Variants in CSMD1 observed in about 807,000 individuals in gnomAD.
The protein encoded by CSMD1 is CUB and Sushi multiple domains 1, also known as CUB and sushi domain-containing protein 1.
Under a neutral mutation model 417.5 loss-of-function variants are expected in CSMD1, and 213 were observed. That is an observed-to-expected ratio of 0.51 (90% CI 0.46 to 0.57). The LOEUF (loss-of-function observed/expected upper bound fraction) is 0.57. Ranked by LOEUF, CSMD1 falls within the 20% of genes least tolerant of loss-of-function variation. CSMD1 has a pLI of 0.00. For missense variants in CSMD1, 6,923 were observed against 4,529.7 expected, an observed-to-expected ratio of 1.53 and a Z score of -15.17; for synonymous variants, 2,862 against 1,736.8, an observed-to-expected ratio of 1.65 and a Z score of -16.11.
chr8:4,047,536 C>G (rs1798210463), intron 3 of CSMD1, among the ~76,000 whole-genome samples: 1 of 151,788 alleles, frequency 6.6e-6, no homozygotes, highest in South Asian at 2.1e-4. Flanking sequence ...TTCATTCATT[C>G]ATTCATTCCA....
chr8:4,159,745 C>T (rs1397447497), intron 3 of CSMD1, among the ~76,000 whole-genome samples: 4 of 152,156 alleles, frequency 2.6e-5, no homozygotes, highest in South Asian at 4.1e-4. Flanking sequence ...CCCGCCACCA[C>T]GCCCGGCTAA....
chr8:4,113,382 T>C (rs375681644), intron 3 of CSMD1, among the ~76,000 whole-genome samples: 1 of 102,462 alleles, frequency 9.8e-6, no homozygotes, highest in Non-Finnish European at 2.0e-5. Context: ...TCAAGGAAAA[T>C]AAAAGGGCTT....
chr8:3,688,208 C>T (rs901175261), intron 7 of CSMD1, among the ~76,000 whole-genome samples: 2 of 152,204 alleles, frequency 1.3e-5, no homozygotes, highest in Non-Finnish European at 2.9e-5. Flanking sequence ...ATACTTGTTG[C>T]ATGCGTAAGT....
intron 25 of CSMD1, 44 bp downstream of exon 25, chr8:3,307,651 A>T: frequency 1.3e-6 from 2 of 1,586,050 alleles, no homozygotes; most frequent in Non-Finnish European, 8.6e-7. Context: ...AATAGAAGGC[A>T]TATCTCTTTT....
chr8:4,199,709 G>A (rs893930705), intron 3 of CSMD1, among the ~76,000 whole-genome samples: 1 of 152,094 alleles, frequency 6.6e-6, no homozygotes, highest in Non-Finnish European at 1.5e-5. Flanking sequence ...TTAATCCAGT[G>A]CCATTTCTCA....
At chr8:3,919,470 T>G (rs62480123) in intron 5 of CSMD1, among the ~76,000 whole-genome samples, 14,568 of 152,092 alleles carry the variant, frequency 0.096, 788 homozygotes, top group South Asian at 0.16. Context: ...TTTCTGGCTT[T>G]CTATTCTGTA....
intron 4 of CSMD1, among the ~76,000 whole-genome samples, chr8:4,011,511 T>C (rs1816532745): frequency 2.0e-5 from 3 of 152,172 alleles, no homozygotes. Flanking sequence ...AGTCAGAGTT[T>C]CACCCTCCTG....
intron 12 of CSMD1, among the ~76,000 whole-genome samples, chr8:3,445,348 G>T (rs777998886): frequency 1.1e-4 from 17 of 152,226 alleles, no homozygotes; most frequent in African/African-American, 1.9e-4. Flanking sequence ...GCAGATTGAC[G>T]TGTATACATA....
intron 3 of CSMD1, among the ~76,000 whole-genome samples, chr8:4,382,230 A>G (rs919717280): frequency 6.6e-5 from 10 of 152,200 alleles, no homozygotes; most frequent in African/African-American, 2.4e-4. Context: ...ATTTCATTAA[A>G]CAACCATTAC....
intron 2 of CSMD1, among the ~76,000 whole-genome samples, chr8:4,487,336 C>A (rs1211834158): frequency 1.3e-5 from 2 of 152,140 alleles, no homozygotes; most frequent in African/African-American, 4.8e-5. Flanking sequence ...CCACAACAGT[C>A]CCCAGAGTGT....
At chr8:4,724,833 T>G (rs1180246374) in intron 1 of CSMD1, among the ~76,000 whole-genome samples, 1 of 152,138 alleles carries the variant, frequency 6.6e-6, no homozygotes, top group African/African-American at 2.4e-5. Flanking sequence ...ATATAGCCTG[T>G]ATGTTTAAAT....
At chr8:3,189,847 T>C (rs1418462609) in intron 34 of CSMD1, 65 bp downstream of exon 34, 1 of 1,396,786 alleles carries the variant, frequency 7.2e-7, no homozygotes, top group South Asian at 1.2e-5. Flanking sequence ...GATAGAAACA[T>C]GAGAAGTAAC....
intron 7 of CSMD1, among the ~76,000 whole-genome samples, chr8:3,644,945 C>T (rs775380268): frequency 7.5e-5 from 9 of 119,488 alleles, no homozygotes; most frequent in South Asian, 5.2e-4. Context: ...TCCAGGGTTA[C>T]GGATCACTAA....
intron 2 of CSMD1, among the ~76,000 whole-genome samples, chr8:4,618,601 T>A (rs1192584750): frequency 6.6e-6 from 1 of 152,158 alleles, no homozygotes; most frequent in African/African-American, 2.4e-5. Context: ...AGGCTTTTGA[T>A]GTTTTTCTGA....
At chr8:3,997,146 A>C (rs191836880) in intron 5 of CSMD1, among the ~76,000 whole-genome samples, 11 of 152,350 alleles carry the variant, frequency 7.2e-5, no homozygotes, top group Admixed American at 6.5e-4. Flanking sequence ...AAAATAATAA[A>C]AACAATAACA....
intron 5 of CSMD1, among the ~76,000 whole-genome samples, chr8:3,764,322 A>G: frequency 6.6e-6 from 1 of 152,122 alleles, no homozygotes; most frequent in East Asian, 1.9e-4. Flanking sequence ...AACTCTCCTG[A>G]GTGTACTTGT....
At chr8:3,188,064 GTATATATATATACATATGTATA>G in intron 35 of CSMD1, 99 bp from the exon 36 acceptor site, 1 of 512,264 alleles carries the variant, frequency 2.0e-6, no homozygotes, top group Non-Finnish European at 3.4e-6. Context: ...AGGTGTATAT[GTATATATATATACATATGTATA>G]TGTATATATA....
At chr8:3,934,241 C>T (rs904887287) in intron 5 of CSMD1, among the ~76,000 whole-genome samples, 1 of 152,188 alleles carries the variant, frequency 6.6e-6, no homozygotes, top group East Asian at 1.9e-4. Context: ...AACTGATGAA[C>T]TTGCTCAGAA....
chr8:3,296,862 A>C (rs924244023), intron 25 of CSMD1, among the ~76,000 whole-genome samples: 6 of 152,174 alleles, frequency 3.9e-5, no homozygotes, highest in South Asian at 2.1e-4. Context: ...TGTTGAGTTT[A>C]AGTTGTCAAC....
Sources: gnomAD v4.1 joint callset for allele counts (sites outside exome capture counted in the v4.1 genomes callset) on GRCh38, gnomAD v4.1.1 for gene constraint, MANE v1.5 for transcripts, NCBI Gene and HGNC (gene_info 2026-07-23, HGNC 2026-07-21) for gene names.